The following SHKBP1 variants were observed in gnomAD, a reference collection of about 807,000 sequenced individuals.
SHKBP1 encodes SH3KBP1-binding protein 1.
Under a neutral mutation model 83.9 loss-of-function variants are expected in SHKBP1, and 71 were observed. The observed-to-expected ratio is 0.85, with a 90% CI of 0.70 to 1.03. SHKBP1 has a LOEUF of 1.03. SHKBP1 is among the 50% of genes least tolerant of loss of function. The pLI, the probability that SHKBP1 is intolerant of heterozygous loss-of-function variation, is 0.00. For synonymous variants in SHKBP1, 371 were observed against 398.0 expected (o/e 0.93, Z 0.81); for missense variants, 824 against 982.4 (o/e 0.84, Z 2.16).
intron 1 of SHKBP1, 82 bp from the exon 2 acceptor site, chr19:40,577,149 G>C: frequency 6.4e-7 from 1 of 1,557,306 alleles, no homozygotes; most frequent in Non-Finnish European, 8.8e-7. Flanking sequence ...GAAGGGGAGG[G>C]AACCCTGGAT....
intron 15 of SHKBP1, among the ~76,000 whole-genome samples, chr19:40,589,577 G>A (rs2145997466): frequency 6.6e-6 from 1 of 150,736 alleles, no homozygotes. Flanking sequence ...CAGGGGTCGG[G>A]ATGGGATGGA....
Position 40,580,583 on chromosome 19 carries a change from G to A in SHKBP1, c.580G>A (p.Gly194Arg). 6.2e-7 allele frequency: 1 copy of A among 1,614,182 alleles called. No homozygotes were observed. Among genetic ancestry groups the A allele is most frequent in the East Asian group, 2.2e-5 (1 of 44,888 alleles). The change falls in exon 8 of 18, where the codon GGG becomes AGG. Residue 194 changes from glycine to arginine, a missense_variant. Physicochemically the swap from Gly to Arg is moderately radical, Grantham distance 125 (BLOSUM62 -2). Around this residue, in one of 3 missense-constraint regions of SHKBP1, gnomAD observed 355 missense variants for 386.4 expected, o/e 0.92. Transcript: ENST00000291842. ...PSPSGQPEEP[G>R]MVRLVCGHHN... ...CCCTCAAGGACAACCTGAGGAGCCG[G>A]GGATGGTGCGCCTGGTGTGTGGACA...
rs2081264872 is a variant in SHKBP1 at position 40,580,923 on chromosome 19, T to C, written c.831T>C (p.Gly277=). The C allele has an allele frequency of 5.1e-6, 8 of 1,572,344 alleles. No individual in the cohort carries two copies. In the South Asian group the frequency reaches 8.2e-5, roughly 16 times the overall value. The change falls in exon 9 of 18, where the codon GGT becomes GGC. Residue 277 remains glycine, a synonymous_variant. Coordinates refer to ENST00000291842, the MANE Select transcript of SHKBP1 (RefSeq NM_138392.4). ...ILLWALQAEG[G]GSEIGVFHLG... The stretch of plus-strand genomic sequence containing the variant: ...TATGGGCTCTGCAGGCGGAAGGCGG[T>C]GGCTCCGAGATAGGTATGACCCCAA...
intron 12 of SHKBP1, among the ~76,000 whole-genome samples, chr19:40,586,221 T>C (rs2081310711): frequency 6.6e-6 from 1 of 152,156 alleles, no homozygotes; most frequent in South Asian, 2.1e-4. Context: ...ACTGTTACAA[T>C]TTCTGTCTCT....
chr19:40,585,504 C>G (rs1218784015), intron 12 of SHKBP1: 1 of 151,200 alleles, frequency 6.6e-6, no homozygotes, highest in Non-Finnish European at 1.5e-5. Context: ...CTTTGTAAGG[C>G]CCTTTTCTTA....
chr19:40,584,823 A>G (rs543163456), intron 12 of SHKBP1, among the ~76,000 whole-genome samples: 51 of 152,322 alleles, frequency 3.3e-4, no homozygotes, highest in African/African-American at 1.1e-3. Context: ...GGGTTACGCC[A>G]CGTTGGCCAG....
Position 40,578,495 on chromosome 19 carries a change from G to T in SHKBP1, c.353G>T (p.Arg118Leu). 2.5e-6 allele frequency: 4 copies of T among 1,614,102 alleles called. 1 individual carries two copies. Among genetic ancestry groups the T allele is most frequent in the South Asian group, 2.2e-5 (2 of 91,078 alleles). ...CTGCAGCTTCGAGAGGAGTTGGATC[G>T]ATCTTCTTGTGGAAACGTCCTCTTC... ...RRLQLREELD[R>L]SSCGNVLFNG... Residue 118 changes from arginine (R) to leucine (L), a missense_variant, in exon 6 of 18, where the codon CGA (arginine) becomes CTA (leucine). Physicochemically the swap from Arg to Leu is moderately radical, Grantham distance 102. Coordinates refer to ENST00000291842, the MANE Select transcript of SHKBP1 (RefSeq NM_138392.4).
intron 14 of SHKBP1, 96 bp from the exon 15 acceptor site, chr19:40,588,986 C>A: frequency 7.3e-7 from 1 of 1,378,984 alleles, no homozygotes; most frequent in Non-Finnish European, 1.0e-6. Context: ...GGGGATGGGA[C>A]TGGGGTCTTG....
Position 40,580,867 on chromosome 19 carries a change from G to A in SHKBP1, c.775G>A (p.Val259Met). The A allele has an allele frequency of 6.2e-7, 1 of 1,612,440 alleles. No individual in the cohort carries two copies. Among genetic ancestry groups the A allele is most frequent in the African/African-American group, 1.3e-5 (1 of 74,980 alleles). The change falls in exon 9 of 18, where the codon GTG becomes ATG. Residue 259 changes from valine (V) to methionine (M), a missense_variant. By Grantham distance (21) the Val-to-Met change is conservative. Transcript: ENST00000291842. ...GGCTTTGGGTGAACATGACAAGATG[G>A]TGGCAGCAGCCACCGGCAGCGAGAT... ...GGALGEHDKM[V>M]AAATGSEILL...
intron 4 of SHKBP1, 112 bp from the exon 5 acceptor site, chr19:40,578,042 C>T: frequency 1.1e-6 from 1 of 873,834 alleles, no homozygotes; most frequent in Non-Finnish European, 1.9e-6. Context: ...TTTATTCCAT[C>T]AAAACTTTCT....
intron 8 of SHKBP1, 37 bp from the exon 9 acceptor site, chr19:40,580,709 T>C (rs1486777436): frequency 1.9e-6 from 3 of 1,613,784 alleles, no homozygotes; most frequent in Non-Finnish European, 2.5e-6. Flanking sequence ...GGGAAGGGCA[T>C]GCGGTGAGGG....
chr19:40,582,299 T>A, intron 9 of SHKBP1, 52 bp from the exon 10 acceptor site: 1 of 1,434,036 alleles, frequency 7.0e-7, no homozygotes, highest in South Asian at 1.1e-5. Context: ...TCCTCCCACC[T>A]CTCCTCCTCC....
Position 40,580,403 on chromosome 19 carries a change from G to C in SHKBP1, c.480G>C (p.Arg160=), listed in dbSNP as rs11555272. The change falls in exon 7 of 18, where the codon CGG becomes CGC. Residue 160 remains arginine, a synonymous_variant. Transcript: ENST00000291842. Reference sequence around the variant, plus strand: ...GAGGACGGCCAGCCCCTGTCCGACGGAGCAACACGATGCCCCCCAACCTTG... The same window carrying C: ...GAGGACGGCCAGCCCCTGTCCGACGCAGCAACACGATGCCCCCCAACCTTG... ...QLGGRPAPVR[R]SNTMPPNLGN... The C allele has an allele frequency of 0.038, 62,081 of 1,614,202 alleles. 1,393 individuals are homozygous for C. The highest frequency in any genetic ancestry group is 0.061 in the Admixed American group (3,673 of 60,016).
At chr19:40,586,692 G>A in intron 12 of SHKBP1, 82 bp from the exon 13 acceptor site, 3 of 1,343,454 alleles carry the variant, frequency 2.2e-6, no homozygotes, top group Non-Finnish European at 2.9e-6. Flanking sequence ...CTGTGTCTCT[G>A]TTCTGTGCCT....
chr19:40,590,842 C>A lies in SHKBP1; in HGVS notation c.1881C>A (p.Ile627=). 1 of 1,583,176 alleles carries A rather than the reference C, an allele frequency of 6.3e-7. No individual in the cohort carries two copies. The highest frequency in any genetic ancestry group is 8.6e-7 in the Non-Finnish European group (1 of 1,157,428). ...GTCTCCCCAGCCCCTCACCCCGCATCTCCCTCACCAGGTAGCCACAACTCC... is the reference window on the plus strand; with the variant it reads ...GTCTCCCCAGCCCCTCACCCCGCATATCCCTCACCAGGTAGCCACAACTCC... The part of the protein sequence containing the change: ...WGCLPSPSPR[I]SLTSLHSASS... The change falls in exon 17 of 18, where the codon ATC becomes ATA. Residue 627 remains isoleucine, a synonymous_variant. Coordinates refer to ENST00000291842, the MANE Select transcript of SHKBP1 (RefSeq NM_138392.4). The surrounding 1 kb of genome is among the most constrained non-coding windows in gnomAD (Gnocchi z 4.6).
Position 40,590,651 on chromosome 19 carries a change from T to A in SHKBP1, c.1769-79T>A. 6.7e-7 allele frequency: 1 copy of A among 1,485,400 alleles called. No individual in the cohort carries two copies. Among genetic ancestry groups the A allele is most frequent in the South Asian group, 1.3e-5 (1 of 76,852 alleles). The allele number at this position is 1,485,400 out of a possible 1,614,324, so 92.0% of individuals were successfully genotyped here. A position where few individuals can be genotyped will look rare whatever the true frequency, so the allele number is the denominator to read the frequency against. On this transcript the variant is annotated intron_variant, in intron 16 of 17. Coordinates refer to ENST00000291842, the MANE Select transcript of SHKBP1 (RefSeq NM_138392.4). This position sits in a 1 kb window ranked among gnomAD's most constrained non-coding sequence, Gnocchi z 4.6. Reference sequence around the variant, plus strand: ...TCCTCTCTCCTGTCCTGACCCTCGGTGCTTGCACTGCAATGCAACCCAGGC... The same window carrying A: ...TCCTCTCTCCTGTCCTGACCCTCGGAGCTTGCACTGCAATGCAACCCAGGC...
chr19:40,586,321 C>T (rs941599884), intron 12 of SHKBP1, among the ~76,000 whole-genome samples: 2 of 152,068 alleles, frequency 1.3e-5, no homozygotes, highest in African/African-American at 4.8e-5. Context: ...TTCCCTCTCT[C>T]CTTGCTTTCT....
rs1255206421 is a variant in SHKBP1, at chr19:40,578,468, G to A, written c.326G>A (p.Arg109His). Residue 109 changes from arginine (R) to histidine (H), a missense_variant, in exon 6 of 18, where the codon CGC (arginine) becomes CAC (histidine). Transcript: ENST00000291842. ...QFYGLTPLVRRLQLREELDRS... is the reference protein window; with the variant it reads ...QFYGLTPLVRHLQLREELDRS... ...TTAAGTCCTCCTGTTGCAGTTCGTC[G>A]CCTGCAGCTTCGAGAGGAGTTGGAT... The A allele has an allele frequency of 1.9e-6, 3 of 1,614,090 alleles. No homozygotes were observed. Among genetic ancestry groups the A allele is most frequent in the Non-Finnish European group, 1.7e-6 (2 of 1,179,984 alleles).
Position 40,578,556 on chromosome 19 carries a change from AT to A in SHKBP1, c.400+15del. Reference sequence around the variant, plus strand: ...TGCCGCCACCAGGTAGGCACTCCCAATGGAATGGAGGGGCGCGGAGGTGGGC... The same window carrying A: ...TGCCGCCACCAGGTAGGCACTCCCAAGGAATGGAGGGGCGCGGAGGTGGGC... On this transcript the variant is annotated intron_variant, in intron 6 of 17. Coordinates refer to ENST00000291842, the MANE Select transcript of SHKBP1 (RefSeq NM_138392.4). 1 of 1,602,304 alleles carries A rather than the reference AT, an allele frequency of 6.2e-7. No homozygotes were observed. Among genetic ancestry groups the A allele is most frequent in the South Asian group, 1.1e-5 (1 of 90,608 alleles).
Sources: gnomAD v4.1 joint callset for allele counts (sites outside exome capture counted in the v4.1 genomes callset) on GRCh38, gnomAD v4.1.1 for gene constraint, gnomAD v4.1.1 regional missense constraint, Gnocchi (gnomAD v3.1) non-coding constraint, MANE v1.5 for transcripts, NCBI Gene and HGNC (gene_info 2026-07-23, HGNC 2026-07-21) for gene names.